PTPRR: variants seen among roughly 807,000 people sequenced by gnomAD.
The protein encoded by PTPRR is receptor-type tyrosine-protein phosphatase R.
A neutral mutation model predicts 77.2 loss-of-function variants in PTPRR; 38 were observed. The observed-to-expected ratio is 0.49, with a 90% CI of 0.38 to 0.65. The LOEUF is 0.65. PTPRR is among the 30% of genes least tolerant of loss of function. The pLI is 0.00. For synonymous variants in PTPRR, 299 were observed against 283.1 expected (o/e 1.06, Z -0.57); for missense variants, 744 against 799.2 (o/e 0.93, Z 0.83).
intron 6 of PTPRR, among the ~76,000 whole-genome samples, chr12:70,730,910 CAG>C (rs957951695): frequency 4.0e-5 from 5 of 125,980 alleles, no homozygotes; most frequent in Non-Finnish European, 6.7e-5. Flanking sequence ...GAGAGAGAGA[CAG>C]AGAATGAAGG....
At chr12:70,727,073 A>G (rs1477014887) in intron 6 of PTPRR, among the ~76,000 whole-genome samples, 1 of 152,112 alleles carries the variant, frequency 6.6e-6, no homozygotes, top group Non-Finnish European at 1.5e-5. Flanking sequence ...CATATTCATT[A>G]TTGTGTATTT....
At chr12:70,713,306 A>T (rs1259568538) in intron 6 of PTPRR, among the ~76,000 whole-genome samples, 1 of 152,152 alleles carries the variant, frequency 6.6e-6, no homozygotes, top group African/African-American at 2.4e-5. Context: ...CAGTTGATAG[A>T]CATTTGGGTT....
At chr12:70,662,674 A>T in intron 10 of PTPRR, 69 bp from the exon 11 acceptor site, 1 of 821,096 alleles carries the variant, frequency 1.2e-6, no homozygotes, top group Non-Finnish European at 2.0e-6. Flanking sequence ...CTTTTCATTC[A>T]AGCATCTCAA....
At chr12:70,692,420 T>A (rs972955753) in intron 8 of PTPRR, among the ~76,000 whole-genome samples, 1 of 152,132 alleles carries the variant, frequency 6.6e-6, no homozygotes, top group Non-Finnish European at 1.5e-5. Context: ...AGTTTTAATT[T>A]TATTTAATTT....
chr12:70,783,108 T>G (rs1389187169), intron 2 of PTPRR, among the ~76,000 whole-genome samples: 1 of 152,152 alleles, frequency 6.6e-6, no homozygotes, highest in African/African-American at 2.4e-5. Context: ...GGTGGCACCT[T>G]TGCCTGAGTT....
At chr12:70,780,701 T>A (rs1362346327) in intron 2 of PTPRR, among the ~76,000 whole-genome samples, 1 of 152,176 alleles carries the variant, frequency 6.6e-6, no homozygotes, top group Non-Finnish European at 1.5e-5. Context: ...CCCCTTTACA[T>A]GATATTGGGA....
intron 6 of PTPRR, among the ~76,000 whole-genome samples, chr12:70,735,801 T>C (rs896146305): frequency 1.3e-5 from 2 of 152,192 alleles, no homozygotes; most frequent in African/African-American, 2.4e-5. Flanking sequence ...GCCTCCAGGA[T>C]GTTGTGAAGG....
intron 4 of PTPRR, among the ~76,000 whole-genome samples, chr12:70,757,002 A>C (rs183355325): frequency 6.6e-6 from 1 of 152,298 alleles, no homozygotes; most frequent in East Asian, 1.9e-4. Flanking sequence ...TTGTTGGATA[A>C]ATGCCAAGCT....
chr12:70,812,859 T>A (rs1891834730), intron 2 of PTPRR, among the ~76,000 whole-genome samples: 1 of 152,088 alleles, frequency 6.6e-6, no homozygotes, highest in South Asian at 2.1e-4. Flanking sequence ...CTGAATAGAG[T>A]CAGAAACAGG....
intron 6 of PTPRR, among the ~76,000 whole-genome samples, chr12:70,716,336 T>TA (rs66838692): frequency 0.011 from 1,506 of 141,532 alleles, 13 homozygotes; most frequent in Non-Finnish European, 0.016. Flanking sequence ...GTCTTCTAAG[T>TA]AAAAAAAAAA....
chr12:70,890,252 T>C (rs1893312285), intron 2 of PTPRR, among the ~76,000 whole-genome samples: 1 of 152,152 alleles, frequency 6.6e-6, no homozygotes, highest in Non-Finnish European at 1.5e-5. Context: ...TTCCGGAACA[T>C]AGTTAGCATT....
At chr12:70,667,563 C>G (rs1887057733) in intron 10 of PTPRR, among the ~76,000 whole-genome samples, 1 of 152,094 alleles carries the variant, frequency 6.6e-6, no homozygotes, top group African/African-American at 2.4e-5. Flanking sequence ...GGCCCTAAGT[C>G]AGAGGCTAGG....
intron 2 of PTPRR, among the ~76,000 whole-genome samples, chr12:70,819,275 A>G (rs1319231863): frequency 1.3e-5 from 2 of 152,380 alleles, no homozygotes; most frequent in Middle Eastern, 3.4e-3. Flanking sequence ...ACTGCGCTCC[A>G]GCCTGGGTGA....
intron 4 of PTPRR, chr12:70,754,586 T>C (rs1476000311): frequency 6.3e-7 from 1 of 1,597,740 alleles, no homozygotes. Flanking sequence ...GGAAACTACC[T>C]GGTTCATAGG....
Position 70,658,883 on chromosome 12 carries a change from G to GTTTTTTTTTTTTT in PTPRR, c.1766+2044_1766+2056dup, listed in dbSNP as rs746595856. On this transcript the variant is annotated intron_variant, in intron 12 of 13. Coordinates refer to ENST00000283228, the MANE Select transcript of PTPRR (RefSeq NM_002849.4). ...TTCAACGTTAGGGACTTTTGCTCTA[G>GTTTTTTTTTTTTT]TTTTTTTTTTTTTTTTTTTTTTTTT... is the stretch of plus-strand genomic sequence containing the variant. Among the ~76,000 whole-genome samples, 43 of 36,936 alleles carry GTTTTTTTTTTTTT rather than the reference G, an allele frequency of 1.2e-3. 6 individuals are homozygous for GTTTTTTTTTTTTT. The highest frequency in any genetic ancestry group is 1.3e-3 in the Admixed American group (3 of 2,254). The allele number at this position is 36,936 out of a possible 152,430, so 24.2% of individuals were successfully genotyped here. A position where few individuals can be genotyped will look rare whatever the true frequency, so the allele number is the denominator to read the frequency against.
intron 6 of PTPRR, among the ~76,000 whole-genome samples, chr12:70,708,569 C>CTT (rs1043288956): frequency 2.0e-5 from 3 of 147,584 alleles, no homozygotes; most frequent in African/African-American, 7.5e-5. Flanking sequence ...ATTTTTACTC[C>CTT]TTTTTTTTTT....
intron 7 of PTPRR, among the ~76,000 whole-genome samples, chr12:70,699,423 C>T (rs555923874): frequency 6.6e-6 from 1 of 152,146 alleles, no homozygotes; most frequent in African/African-American, 2.4e-5. Flanking sequence ...GCTTGTTCTA[C>T]AGAGAGAAAC....
chr12:70,672,752 C>T (rs1421617340), intron 10 of PTPRR: 3 of 1,553,740 alleles, frequency 1.9e-6, no homozygotes, highest in African/African-American at 1.4e-5. Context: ...CTGACTGGGA[C>T]CTCCCCAGGT....
At chr12:70,873,945 T>C (rs890915271) in intron 2 of PTPRR, among the ~76,000 whole-genome samples, 3 of 152,158 alleles carry the variant, frequency 2.0e-5, no homozygotes, top group Non-Finnish European at 4.4e-5. Context: ...AGCCACTCTA[T>C]TCTAAGCTGA....
Sources: allele counts gnomAD v4.1 joint callset (sites outside exome capture counted in the v4.1 genomes callset), GRCh38; gene constraint gnomAD v4.1.1; transcripts MANE v1.5; gene names NCBI Gene and HGNC (gene_info 2026-07-23, HGNC 2026-07-21).